The following JPH1 variants were observed in gnomAD, a reference collection of about 807,000 sequenced individuals.
JPH1 encodes junctophilin-1.
Under a neutral mutation model 53.6 loss-of-function variants are expected in JPH1, and 12 were observed. That is an observed-to-expected ratio of 0.22 (90% CI 0.14 to 0.36). JPH1 has a LOEUF of 0.36. Among genes scored for constraint, JPH1 ranks in the 10% least tolerant of loss-of-function variants. The pLI is 1.00. For synonymous variants in JPH1, 375 were observed against 363.8 expected, an observed-to-expected ratio of 1.03 and a Z score of -0.35; for missense variants, 808 against 905.5, an observed-to-expected ratio of 0.89 and a Z score of 1.38.
chr8:74,272,751 G>A (rs951440867), intron 2 of JPH1, among the ~76,000 whole-genome samples: 8 of 151,900 alleles, frequency 5.3e-5, no homozygotes, highest in Non-Finnish European at 8.8e-5. Context: ...CTACAGGCGC[G>A]CGCCACCATG....
intron 2 of JPH1, among the ~76,000 whole-genome samples, chr8:74,298,133 C>T (rs1175810321): frequency 1.3e-5 from 2 of 152,172 alleles, no homozygotes; most frequent in African/African-American, 4.8e-5. Context: ...CTGCTAAGTG[C>T]TCAAGGCTTC....
At chr8:74,310,131 A>C (rs938515622) in intron 2 of JPH1, among the ~76,000 whole-genome samples, 2 of 152,076 alleles carry the variant, frequency 1.3e-5, no homozygotes, top group Non-Finnish European at 2.9e-5. Context: ...TCTAGTAGCT[A>C]TGTCTCAGAG....
chr8:74,314,682 A>C (rs1808088891), intron 2 of JPH1, among the ~76,000 whole-genome samples, 179 bp downstream of exon 2: 1 of 152,244 alleles, frequency 6.6e-6, no homozygotes, highest in Non-Finnish European at 1.5e-5. Flanking sequence ...GGGAAGTTTC[A>C]GAACAGTGCA....
chr8:74,295,882 CAA>C (rs1479905279), intron 2 of JPH1, among the ~76,000 whole-genome samples: 2 of 152,090 alleles, frequency 1.3e-5, no homozygotes, highest in Admixed American at 1.3e-4. Context: ...GGTTTTAGCT[CAA>C]ACCACTCAGG....
chr8:74,280,695 T>A (rs1306674721), intron 2 of JPH1, among the ~76,000 whole-genome samples: 1 of 152,190 alleles, frequency 6.6e-6, no homozygotes, highest in Non-Finnish European at 1.5e-5. Flanking sequence ...GAGTTAAATT[T>A]AACATCAAAA....
At chr8:74,243,982 G>A (rs1805771234) in intron 4 of JPH1, among the ~76,000 whole-genome samples, 1 of 152,098 alleles carries the variant, frequency 6.6e-6, no homozygotes, top group South Asian at 2.1e-4. Flanking sequence ...TTCTCTTTTG[G>A]GAAAGAAAAA....
At chr8:74,250,713 C>T (rs1037975294) in intron 3 of JPH1, among the ~76,000 whole-genome samples, 2 of 152,156 alleles carry the variant, frequency 1.3e-5, no homozygotes, top group Non-Finnish European at 2.9e-5. Flanking sequence ...CCCAGGGAAG[C>T]CAAAAGATTG....
intron 2 of JPH1, among the ~76,000 whole-genome samples, chr8:74,264,216 G>C (rs1806471655): frequency 6.6e-6 from 1 of 152,180 alleles, no homozygotes; most frequent in Non-Finnish European, 1.5e-5. Flanking sequence ...TTCTGCTAAA[G>C]CTCCATTCTC....
chr8:74,239,053 C>T (rs946043091), intron 4 of JPH1, among the ~76,000 whole-genome samples: 17 of 152,038 alleles, frequency 1.1e-4, no homozygotes, highest in Non-Finnish European at 2.1e-4. Context: ...AGGAAGTAAA[C>T]ATGAGTCCCC....
chr8:74,284,911 G>A (rs1807118807), intron 2 of JPH1, among the ~76,000 whole-genome samples: 1 of 150,606 alleles, frequency 6.6e-6, no homozygotes, highest in African/African-American at 2.5e-5. Context: ...TGCAACCTCT[G>A]CCTCACGGGT....
At chr8:74,271,526 G>A (rs1181144945) in intron 2 of JPH1, among the ~76,000 whole-genome samples, 2 of 152,252 alleles carry the variant, frequency 1.3e-5, no homozygotes, top group East Asian at 1.9e-4. Flanking sequence ...ATGTGCCCTC[G>A]CCTTACTGGC....
chr8:74,317,793 G>C (rs1029050953), intron 1 of JPH1, among the ~76,000 whole-genome samples: 14 of 152,082 alleles, frequency 9.2e-5, no homozygotes, highest in African/African-American at 3.4e-4. Flanking sequence ...AACACTGATG[G>C]AAAATTAACA....
intron 2 of JPH1, among the ~76,000 whole-genome samples, chr8:74,295,952 C>A (rs1807500180): frequency 6.6e-6 from 1 of 150,810 alleles, no homozygotes. Context: ...CCACAAAGGA[C>A]TTTCAGTTAC....
At chr8:74,263,510 C>T (rs1196606587) in intron 2 of JPH1, among the ~76,000 whole-genome samples, 1 of 152,168 alleles carries the variant, frequency 6.6e-6, no homozygotes, top group African/African-American at 2.4e-5. Flanking sequence ...TTGATGGCAA[C>T]ACCATTCTTG....
intron 3 of JPH1, among the ~76,000 whole-genome samples, chr8:74,254,678 T>A (rs1806165170): frequency 6.6e-6 from 1 of 152,172 alleles, no homozygotes; most frequent in South Asian, 2.1e-4. Flanking sequence ...CTTAAGCTGA[T>A]AAGCAACTTC....
chr8:74,287,099 T>C (rs79814223), intron 2 of JPH1, among the ~76,000 whole-genome samples: 2 of 152,284 alleles, frequency 1.3e-5, no homozygotes, highest in East Asian at 3.9e-4. Context: ...AGTAATGCTT[T>C]TGGAGCTCTT....
intron 3 of JPH1, among the ~76,000 whole-genome samples, chr8:74,255,745 A>C (rs1021455811): frequency 6.6e-6 from 1 of 152,254 alleles, no homozygotes; most frequent in African/African-American, 2.4e-5. Flanking sequence ...ATGAACAGAC[A>C]CTTCTCAAAA....
intron 1 of JPH1, among the ~76,000 whole-genome samples, chr8:74,317,587 A>G (rs1375820459): frequency 6.6e-6 from 1 of 152,220 alleles, no homozygotes; most frequent in Non-Finnish European, 1.5e-5. Flanking sequence ...AAGTTTCACA[A>G]TCTGGCTTGA....
At position 74,320,840 on chromosome 8, in the gene JPH1, C is replaced by T; in HGVS notation, c.379+69G>A. 7.0e-7 allele frequency: 1 copy of T among 1,420,998 alleles called. No individual in the cohort carries two copies. The highest frequency in any genetic ancestry group is 1.6e-5 in the South Asian group (1 of 62,772). 88.0% of individuals were successfully genotyped at this position (1,420,998 alleles called of 1,614,324 possible). A position where few individuals can be genotyped will look rare whatever the true frequency, so the allele number is the denominator to read the frequency against. Reference sequence around the variant, plus strand: ...CGTGCGCCCGGCGTCCTCCCCGCTTCCCCGCAGCCGGGGCAGAGCCCACCG... The same window carrying T: ...CGTGCGCCCGGCGTCCTCCCCGCTTTCCCGCAGCCGGGGCAGAGCCCACCG... On this transcript the variant is annotated intron_variant, in intron 1 of 5. Coordinates refer to ENST00000342232, the MANE Select transcript of JPH1 (RefSeq NM_020647.4). The surrounding 1 kb of genome is among the most constrained non-coding windows in gnomAD (Gnocchi z 4.4).
Sources: gnomAD v4.1 joint callset for allele counts (sites outside exome capture counted in the v4.1 genomes callset) on GRCh38, gnomAD v4.1.1 for gene constraint, Gnocchi (gnomAD v3.1) non-coding constraint, MANE v1.5 for transcripts, NCBI Gene and HGNC (gene_info 2026-07-23, HGNC 2026-07-21) for gene names.